The following SATL1 variants were observed in gnomAD, a reference collection of about 807,000 sequenced individuals.
SATL1 encodes the protein spermidine/spermine N(1)-acetyltransferase-like protein 1.
SATL1 carries 47 observed loss-of-function variants against 51.8 expected under a neutral mutation model. The ratio of observed to expected loss-of-function variants is 0.91; its 90% CI spans 0.72 to 1.16. SATL1 has a LOEUF of 1.16. SATL1 is among the 50% of genes most tolerant of loss of function. SATL1 has a pLI of 0.00. For synonymous variants in SATL1, 176 were observed against 182.4 expected (o/e 0.97, Z 0.28); for missense variants, 520 against 526.4 (o/e 0.99, Z 0.12).
intron 2 of SATL1, among the ~76,000 whole-genome samples, chrX:85,196,484 CCA>C (rs921053450): frequency 2.7e-5 from 3 of 110,904 alleles, no homozygotes; most frequent in African/African-American, 9.8e-5. Flanking sequence ...TATGCAAATG[CCA>C]GAGTGCCAGA....
chrX:85,138,695 A>G (rs1347308539), intron 2 of SATL1, among the ~76,000 whole-genome samples: 1 of 111,772 alleles, frequency 8.9e-6, no homozygotes, highest in Non-Finnish European at 1.9e-5. Context: ...TGGGTTCAAG[A>G]TAGAATAGGG....
At chrX:85,120,194 T>C (rs1231740075) in intron 2 of SATL1, among the ~76,000 whole-genome samples, 2 of 111,244 alleles carry the variant, frequency 1.8e-5, no homozygotes, top group Admixed American at 9.6e-5. Flanking sequence ...TGAGGTGAAA[T>C]GGGGCAGATA....
chrX:85,196,260 A>G (rs1569245373), intron 2 of SATL1, among the ~76,000 whole-genome samples: 1 of 112,314 alleles, frequency 8.9e-6, no homozygotes, highest in Non-Finnish European at 1.9e-5. Context: ...AAAGTAGAAA[A>G]CATTGAAATA....
At chrX:85,093,358 C>A in intron 6 of SATL1, 133 bp from the exon 7 acceptor site, 1 of 576,581 alleles carries the variant, frequency 1.7e-6, no homozygotes, top group Non-Finnish European at 2.7e-6. Flanking sequence ...GGAAACACAA[C>A]TCGTGAATGC....
chrX:85,109,182 T>G lies in SATL1; in HGVS notation c.-214A>C. The G allele has an allele frequency of 4.7e-6, 2 of 423,253 alleles. No homozygotes were observed. The highest frequency in any genetic ancestry group is 8.1e-6 in the Non-Finnish European group (2 of 246,046). 34.9% of individuals were successfully genotyped at this position (423,253 alleles called of 1,213,427 possible). On this transcript the variant is annotated 5_prime_UTR_variant, in exon 3 of 8. Coordinates refer to ENST00000644105, the MANE Select transcript of SATL1 (RefSeq NM_001367857.2). ...GGAATTGGAAAAAGAGAGGAGCACC[T>G]CAGGAAGATTATTAATGCCTCCGGT...
chrX:85,205,101 C>G (rs1927766936), intron 2 of SATL1, among the ~76,000 whole-genome samples: 2 of 111,840 alleles, frequency 1.8e-5, no homozygotes, highest in African/African-American at 3.2e-5. Context: ...ATCATCTGTG[C>G]TTAGCATTAT....
intron 4 of SATL1, among the ~76,000 whole-genome samples, chrX:85,096,195 T>C (rs773016018): frequency 3.6e-5 from 4 of 110,470 alleles, no homozygotes; most frequent in East Asian, 2.9e-4. Flanking sequence ...CAAAATAATA[T>C]AGATATAAAT....
chrX:85,146,314 T>A (rs1215683624), intron 2 of SATL1, among the ~76,000 whole-genome samples: 1 of 111,817 alleles, frequency 8.9e-6, no homozygotes, highest in Non-Finnish European at 1.9e-5. Context: ...TATTGTCCAT[T>A]TAAAAATAAT....
intron 2 of SATL1, among the ~76,000 whole-genome samples, chrX:85,149,952 A>C (rs1381551469): frequency 8.9e-6 from 1 of 111,828 alleles, no homozygotes; most frequent in Non-Finnish European, 1.9e-5. Flanking sequence ...GAAGGCAAGA[A>C]ATAACTAAAA....
intron 2 of SATL1, among the ~76,000 whole-genome samples, chrX:85,167,082 A>G (rs1338135235): frequency 9.2e-6 from 1 of 108,426 alleles, no homozygotes; most frequent in Admixed American, 1.0e-4. Context: ...GAACAAAATA[A>G]TGGCATTCTC....
rs767700106 is a variant in SATL1, at chrX:85,108,731, A to G, written c.238T>C (p.Trp80Arg). The G allele has an allele frequency of 2.5e-6, 3 of 1,206,586 alleles. No homozygotes were observed. The highest frequency in any genetic ancestry group is 3.0e-5 in the East Asian group (1 of 33,665). ...CCTGGTTGGCTCCTACCTAATTGCC[A>G]TGTGTCTGGTTGTTTCATGTCGGGT... is the stretch of plus-strand genomic sequence containing the variant. ...NQPDMKQPDT[W>R]QLGRSQPGML... The change falls in exon 3 of 8, where the codon TGG (tryptophan) becomes CGG (arginine). Residue 80 changes from tryptophan (W) to arginine (R), a missense_variant. This residue lies in a region of SATL1 where 488 missense variants were observed against 474.3 expected (regional missense o/e 1.03). Transcript: ENST00000644105.
At chrX:85,145,610 C>A (rs1482304172) in intron 2 of SATL1, among the ~76,000 whole-genome samples, 2 of 111,370 alleles carry the variant, frequency 1.8e-5, no homozygotes, top group African/African-American at 6.5e-5. Context: ...AAAGCCACAT[C>A]CTTTTAAGTA....
chrX:85,125,869 C>A (rs1210114251), intron 2 of SATL1, among the ~76,000 whole-genome samples: 2 of 110,413 alleles, frequency 1.8e-5, no homozygotes, highest in African/African-American at 6.6e-5. Flanking sequence ...GATCTGTCTT[C>A]TAAGAGTACT....
At chrX:85,095,330 C>G (rs1924673776) in intron 4 of SATL1, among the ~76,000 whole-genome samples, 1 of 111,376 alleles carries the variant, frequency 9.0e-6, no homozygotes, top group African/African-American at 3.3e-5. Flanking sequence ...CTCTTGTCCT[C>G]AAAATACTGA....
chrX:85,149,125 A>C (rs1179939471), intron 2 of SATL1, among the ~76,000 whole-genome samples: 1 of 111,696 alleles, frequency 9.0e-6, no homozygotes, highest in Non-Finnish European at 1.9e-5. Flanking sequence ...AGGAGGATCT[A>C]CCAAGCAAAT....
At chrX:85,203,181 C>T (rs188379494) in intron 2 of SATL1, among the ~76,000 whole-genome samples, 82 of 112,089 alleles carry the variant, frequency 7.3e-4, no homozygotes, top group Non-Finnish European at 1.3e-3. Context: ...GGCAGCCCGT[C>T]CTTCCCTGTG....
chrX:85,120,645 T>A (rs769916336), intron 2 of SATL1, among the ~76,000 whole-genome samples: 5 of 112,086 alleles, frequency 4.5e-5, no homozygotes, highest in Non-Finnish European at 9.4e-5. Flanking sequence ...AACTATCTTA[T>A]GTAATATCTT....
intron 2 of SATL1, among the ~76,000 whole-genome samples, chrX:85,188,016 A>C (rs1181748880): frequency 9.0e-6 from 1 of 111,402 alleles, no homozygotes; most frequent in Non-Finnish European, 1.9e-5. Context: ...CAGAAGTCAA[A>C]AAGTTTCTAA....
At chrX:85,138,346 G>A (rs1416946259) in intron 2 of SATL1, among the ~76,000 whole-genome samples, 2 of 110,876 alleles carry the variant, frequency 1.8e-5, no homozygotes, top group African/African-American at 6.6e-5. Flanking sequence ...TGTCTCCCCT[G>A]TTGGGAGTTT....
Sources: gnomAD v4.1 joint callset for allele counts (sites outside exome capture counted in the v4.1 genomes callset) on GRCh38, gnomAD v4.1.1 for gene constraint, gnomAD v4.1.1 regional missense constraint, MANE v1.5 for transcripts, NCBI Gene and HGNC (gene_info 2026-07-23, HGNC 2026-07-21) for gene names.